Variants in MCOLN3 observed in about 807,000 individuals in gnomAD.
MCOLN3 encodes mucolipin TRP cation channel 3.
In MCOLN3, 62 loss-of-function variants were observed where a neutral mutation model predicts 69.4. The observed-to-expected ratio is 0.89, with a 90% CI of 0.73 to 1.10. The LOEUF (loss-of-function observed/expected upper bound fraction) is 1.10. Among genes scored for constraint, MCOLN3 ranks in the 50% least tolerant of loss-of-function variants. The pLI, the probability that MCOLN3 is intolerant of heterozygous loss-of-function variation, is 0.00. For missense variants in MCOLN3, 564 were observed against 656.4 expected, an observed-to-expected ratio of 0.86 and a Z score of 1.54; for synonymous variants, 183 against 217.0, an observed-to-expected ratio of 0.84 and a Z score of 1.38.
chr1:85,020,957 C>T, intron 12 of MCOLN3, 113 bp downstream of exon 12: 1 of 746,344 alleles, frequency 1.3e-6, no homozygotes, highest in African/African-American at 1.8e-5. Context: ...TTTTCTCTAT[C>T]CTGAAGAAAT....
intron 9 of MCOLN3, 193 bp downstream of exon 9, chr1:85,025,746 A>T: frequency 1.8e-6 from 1 of 564,386 alleles, no homozygotes; most frequent in South Asian, 2.1e-5. Flanking sequence ...TGGTTTGTGG[A>T]TCACACTTTG....
intron 6 of MCOLN3, among the ~76,000 whole-genome samples, chr1:85,030,546 G>A (rs1057190222): frequency 1.3e-5 from 2 of 152,116 alleles, no homozygotes; most frequent in African/African-American, 4.8e-5. Context: ...AAGGTGGGGG[G>A]AAGTGACAAA....
chr1:85,033,063 T>A, intron 4 of MCOLN3, 107 bp from the exon 5 acceptor site: 1 of 992,032 alleles, frequency 1.0e-6, no homozygotes, highest in Non-Finnish European at 1.5e-6. Context: ...TTTTTCAGAT[T>A]CTATTATTTT....
At chr1:85,042,826 T>G (rs987543000) in intron 2 of MCOLN3, among the ~76,000 whole-genome samples, 1 of 152,236 alleles carries the variant, frequency 6.6e-6, no homozygotes, top group African/African-American at 2.4e-5. Context: ...CCTGAGATAA[T>G]CTGTCACCAT....
intron 9 of MCOLN3, 152 bp downstream of exon 9, chr1:85,025,787 G>T (rs1478941201): frequency 5.1e-6 from 4 of 782,732 alleles, no homozygotes; most frequent in Admixed American, 6.2e-5. Flanking sequence ...CTCCTGACTA[G>T]ATTTAAGAAA....
At chr1:85,040,588 C>T (rs578082071) in intron 3 of MCOLN3, among the ~76,000 whole-genome samples, 23 of 152,092 alleles carry the variant, frequency 1.5e-4, no homozygotes, top group Non-Finnish European at 3.1e-4. Flanking sequence ...GCCTTACTTT[C>T]AAGTGAATTT....
Position 85,021,267 on chromosome 1 carries a change from G to A in MCOLN3, c.1330C>T (p.Leu444=). 6.2e-7 allele frequency: 1 copy of A among 1,609,252 alleles called. No individual in the cohort carries two copies. The change falls in exon 12 of 13, where the codon CTG becomes TTG. Residue 444 remains leucine (L), a synonymous_variant. Coordinates refer to ENST00000370589, the MANE Select transcript of MCOLN3 (RefSeq NM_018298.11). ...AAAAGGCACTCAGAGACCATGTTCA[G>A]AGAACGAAACTGGAAAAAGAAAAGA... ...LGPYHDKFRS[L]NMVSECLFSL...
At chr1:85,037,040 T>C (rs1373486826) in intron 3 of MCOLN3, among the ~76,000 whole-genome samples, 1 of 152,136 alleles carries the variant, frequency 6.6e-6, no homozygotes, top group Non-Finnish European at 1.5e-5. Flanking sequence ...ATTATAATAA[T>C]GCGATGGAGC....
chr1:85,042,868 G>A (rs983407615), intron 2 of MCOLN3, among the ~76,000 whole-genome samples: 6 of 152,190 alleles, frequency 3.9e-5, no homozygotes, highest in Admixed American at 2.6e-4. Context: ...TTACAAAGCT[G>A]TCTTTATCTA....
intron 9 of MCOLN3, chr1:85,024,602 G>A (rs550568715): frequency 4.6e-5 from 7 of 152,134 alleles, no homozygotes; most frequent in African/African-American, 1.4e-4. Context: ...AATGAGGATA[G>A]GACAAGGGTA....
Position 85,035,259 on chromosome 1 carries a change from A to G in MCOLN3, c.397-1008T>C, listed in dbSNP as rs1056269201. Among the ~76,000 whole-genome samples the G allele has an allele frequency of 8.5e-5, 13 of 152,248 alleles. 1 individual carries two copies. In the South Asian group the frequency reaches 1.0e-3, roughly 12 times the overall value. The stretch of plus-strand genomic sequence containing the variant: ...ACTGCCAACCTCTATATTTTGGCCT[A>G]TCTTTGGGTTCAGGCCTTGACCTCT... On this transcript the variant is annotated intron_variant, in intron 3 of 12. Coordinates refer to ENST00000370589, the MANE Select transcript of MCOLN3 (RefSeq NM_018298.11).
rs548889188 is a variant in MCOLN3 at position 85,037,524 on chromosome 1, G to A, written c.397-3273C>T. Among the ~76,000 whole-genome samples, 13 of 152,268 alleles carry A rather than the reference G, an allele frequency of 8.5e-5. No homozygotes were observed. In the East Asian group the frequency reaches 1.2e-3, roughly 14 times the overall value. ...GAACTGTGAAAGATCTGAGACCCAC[G>A]GCTGCAGGTACCTGTTCACATTATA... On this transcript the variant is annotated intron_variant, in intron 3 of 12. Coordinates refer to ENST00000370589, the MANE Select transcript of MCOLN3 (RefSeq NM_018298.11).
intron 3 of MCOLN3, among the ~76,000 whole-genome samples, chr1:85,036,221 T>C (rs907976369): frequency 5.3e-5 from 8 of 152,230 alleles, no homozygotes; most frequent in Non-Finnish European, 1.5e-5. Context: ...AGAGGGAGTC[T>C]CGCTCTGTCA....
intron 9 of MCOLN3, chr1:85,025,681 A>G: frequency 2.8e-6 from 1 of 355,704 alleles, no homozygotes; most frequent in Non-Finnish European, 5.1e-6. Flanking sequence ...AAGAGTCTGA[A>G]TTCAGTAGGT....
intron 6 of MCOLN3, among the ~76,000 whole-genome samples, 153 bp downstream of exon 6, chr1:85,032,543 A>G (rs1311687745): frequency 6.6e-6 from 1 of 152,242 alleles, no homozygotes. Flanking sequence ...TTATAGCAAA[A>G]TAGAGCTAGA....
intron 6 of MCOLN3, among the ~76,000 whole-genome samples, chr1:85,032,033 G>A (rs567515101): frequency 1.5e-4 from 23 of 152,162 alleles, no homozygotes; most frequent in Non-Finnish European, 2.8e-4. Context: ...CCGAGATCGC[G>A]CCACTGCACT....
chr1:85,033,627 C>T (rs907499251), intron 4 of MCOLN3, among the ~76,000 whole-genome samples: 1 of 152,138 alleles, frequency 6.6e-6, no homozygotes, highest in African/African-American at 2.4e-5. Context: ...TTCAATCTAC[C>T]CCCAAAGATG....
chr1:85,026,433 A>G (rs544336810), intron 7 of MCOLN3, 149 bp from the exon 8 acceptor site: 13 of 644,524 alleles, frequency 2.0e-5, no homozygotes, highest in Admixed American at 1.2e-4. Context: ...TAGTATTTGA[A>G]GAAGGGCAAA....
intron 7 of MCOLN3, among the ~76,000 whole-genome samples, chr1:85,027,219 A>G (rs1189797600): frequency 1.3e-5 from 2 of 152,258 alleles, no homozygotes; most frequent in African/African-American, 4.8e-5. Flanking sequence ...AGAAGTAAAC[A>G]AACACATAAC....
Sources: allele counts gnomAD v4.1 joint callset (sites outside exome capture counted in the v4.1 genomes callset), GRCh38; gene constraint gnomAD v4.1.1; transcripts MANE v1.5; gene names NCBI Gene and HGNC (gene_info 2026-07-23, HGNC 2026-07-21).